TACR1: variants seen among roughly 807,000 people sequenced by gnomAD.
TACR1 encodes the protein substance-P receptor.
TACR1 carries 25 observed loss-of-function variants against 35.8 expected under a neutral mutation model. That is an observed-to-expected ratio of 0.70 (90% CI 0.51 to 0.98). TACR1 has a LOEUF of 0.98. Among genes scored for constraint, TACR1 ranks in the 50% least tolerant of loss-of-function variants. The pLI is 0.00. For synonymous variants in TACR1, 195 were observed against 206.7 expected (o/e 0.94, Z 0.48); for missense variants, 478 against 522.9 (o/e 0.91, Z 0.84).
intron 2 of TACR1, among the ~76,000 whole-genome samples, chr2:75,054,188 C>G (rs1451233198): frequency 6.6e-6 from 1 of 152,184 alleles, no homozygotes; most frequent in Non-Finnish European, 1.5e-5. Context: ...AATTATACCA[C>G]TCAATTCATA....
chr2:75,154,154 C>T (rs78026849), intron 1 of TACR1, among the ~76,000 whole-genome samples: 9,492 of 152,164 alleles, frequency 0.062, 452 homozygotes, highest in South Asian at 0.16. Flanking sequence ...GCTGAGCCTG[C>T]TGCTGCCTTC....
chr2:75,083,260 G>A (rs1270871323), intron 2 of TACR1, among the ~76,000 whole-genome samples: 4 of 152,076 alleles, frequency 2.6e-5, no homozygotes, highest in African/African-American at 7.2e-5. Context: ...ATTTCTGAGG[G>A]CTGTGTTCTG....
intron 1 of TACR1, among the ~76,000 whole-genome samples, chr2:75,137,329 A>G (rs1674312014): frequency 6.6e-6 from 1 of 152,220 alleles, no homozygotes; most frequent in Non-Finnish European, 1.5e-5. Context: ...TATGAAATAG[A>G]GTTTTTATAA....
chr2:75,151,383 G>T (rs4853110), intron 1 of TACR1, among the ~76,000 whole-genome samples: 22,058 of 152,088 alleles, frequency 0.15, 1,791 homozygotes, highest in Middle Eastern at 0.23. Context: ...TAGGGACTTG[G>T]TGCCCTGTGT....
At chr2:75,158,050 G>C (rs1002548499) in intron 1 of TACR1, among the ~76,000 whole-genome samples, 1 of 152,184 alleles carries the variant, frequency 6.6e-6, no homozygotes, top group African/African-American at 2.4e-5. Flanking sequence ...ACTGAGAAAT[G>C]GAAACCTAGC....
At chr2:75,145,321 A>G (rs1039308726) in intron 1 of TACR1, among the ~76,000 whole-genome samples, 1 of 152,182 alleles carries the variant, frequency 6.6e-6, no homozygotes, top group Non-Finnish European at 1.5e-5. Flanking sequence ...TCTGTCTGTG[A>G]GTCAGAAACT....
chr2:75,061,175 G>T (rs1672665347), intron 2 of TACR1, among the ~76,000 whole-genome samples: 1 of 151,616 alleles, frequency 6.6e-6, no homozygotes, highest in African/African-American at 2.4e-5. Context: ...GCGGTTGGGG[G>T]CAATTCCAGG....
chr2:75,183,431 G>A (rs1478255431), intron 1 of TACR1, among the ~76,000 whole-genome samples: 1 of 152,132 alleles, frequency 6.6e-6, no homozygotes, highest in Non-Finnish European at 1.5e-5. Flanking sequence ...TAAATCAACA[G>A]CTATATTAAT....
chr2:75,115,085 G>A (rs956845031), intron 2 of TACR1, among the ~76,000 whole-genome samples: 1 of 8,860 alleles, frequency 1.1e-4, no homozygotes, highest in Non-Finnish European at 1.9e-4. Context: ...GTTAACATAC[G>A]TGTGTGTGTG....
At chr2:75,122,198 C>T (rs537696278) in intron 1 of TACR1, among the ~76,000 whole-genome samples, 116 of 152,208 alleles carry the variant, frequency 7.6e-4, no homozygotes, top group Middle Eastern at 3.4e-3. Flanking sequence ...AGGGGAGCTG[C>T]GGAGACACTC....
chr2:75,059,147 G>A (rs543446017), intron 2 of TACR1, among the ~76,000 whole-genome samples: 2 of 152,308 alleles, frequency 1.3e-5, no homozygotes, highest in East Asian at 3.9e-4. Flanking sequence ...GAAGAGCATT[G>A]ATAGAATCCC....
intron 1 of TACR1, among the ~76,000 whole-genome samples, chr2:75,185,651 GA>G (rs1479359091): frequency 6.6e-6 from 1 of 152,102 alleles, no homozygotes; most frequent in Non-Finnish European, 1.5e-5. Context: ...TTTTAAATTG[GA>G]AAAGATTTTT....
chr2:75,051,231 C>A lies in TACR1; in HGVS notation c.932+20G>T. 1 of 1,614,048 alleles carries A rather than the reference C, an allele frequency of 6.2e-7. No homozygotes were observed. Among genetic ancestry groups the A allele is most frequent in the Admixed American group, 1.7e-5 (1 of 60,016 alleles). ...ATGGTCTTGTGGCCCCTGGAGAGCT[C>A]ATGGGGTTGGGATCCTCACCTGTCA... On this transcript the variant is annotated intron_variant, in intron 4 of 4. Coordinates refer to ENST00000305249, the MANE Select transcript of TACR1 (RefSeq NM_001058.4).
At chr2:75,056,016 A>G (rs569193307) in intron 2 of TACR1, among the ~76,000 whole-genome samples, 3 of 152,326 alleles carry the variant, frequency 2.0e-5, no homozygotes, top group African/African-American at 4.8e-5. Context: ...TATTCATTCA[A>G]TTGACTTGAG....
At chr2:75,154,045 T>G (rs922358084) in intron 1 of TACR1, among the ~76,000 whole-genome samples, 1 of 152,096 alleles carries the variant, frequency 6.6e-6, no homozygotes, top group Non-Finnish European at 1.5e-5. Flanking sequence ...GCTGGCTCAC[T>G]GATTAATTGA....
chr2:75,078,288 T>TG (rs1026082631), intron 2 of TACR1, among the ~76,000 whole-genome samples: 6 of 152,028 alleles, frequency 3.9e-5, no homozygotes, highest in Admixed American at 3.9e-4. Context: ...TGCATGTTTT[T>TG]TTTTTTTAAG....
intron 2 of TACR1, among the ~76,000 whole-genome samples, chr2:75,110,378 A>G (rs1437168596): frequency 6.6e-6 from 1 of 152,048 alleles, no homozygotes; most frequent in Non-Finnish European, 1.5e-5. Flanking sequence ...AGTCAAGGCA[A>G]TAATTTATTT....
chr2:75,104,925 GC>G (rs1246489870), intron 2 of TACR1, among the ~76,000 whole-genome samples: 1 of 151,866 alleles, frequency 6.6e-6, no homozygotes, highest in East Asian at 1.9e-4. Context: ...GAATACTTGT[GC>G]ATGGTTGATG....
At chr2:75,058,832 A>G (rs1372129609) in intron 2 of TACR1, among the ~76,000 whole-genome samples, 1 of 152,202 alleles carries the variant, frequency 6.6e-6, no homozygotes, top group Non-Finnish European at 1.5e-5. Context: ...AGGTTTCCTT[A>G]TATCTCACTA....
Sources: gnomAD v4.1 joint callset for allele counts (sites outside exome capture counted in the v4.1 genomes callset) on GRCh38, gnomAD v4.1.1 for gene constraint, MANE v1.5 for transcripts, NCBI Gene and HGNC (gene_info 2026-07-23, HGNC 2026-07-21) for gene names.